MELTF: variants seen among roughly 807,000 people sequenced by gnomAD.
MELTF encodes the protein antigen p97 (melanoma associated) identified by monoclonal antibodies 133.2 and 96.5.
Under a neutral mutation model 83.7 loss-of-function variants are expected in MELTF, and 67 were observed. The observed-to-expected ratio is 0.80, with a 90% CI of 0.66 to 0.98. MELTF has a LOEUF of 0.98. Among genes scored for constraint, MELTF ranks in the 50% least tolerant of loss-of-function variants. The pLI is 0.00. For missense variants in MELTF, 1,002 were observed against 1,035.6 expected (o/e 0.97, Z 0.44); for synonymous variants, 462 against 447.6 (o/e 1.03, Z -0.41).
At chr3:197,026,979 A>C in intron 2 of MELTF, 9 of 541,534 alleles carry the variant, frequency 1.7e-5, no homozygotes, top group Admixed American at 3.1e-5. Context: ...AAAAATACTA[A>C]TCATTGATTT....
Position 197,009,759 on chromosome 3 carries a change from A to G in MELTF, c.1384T>C (p.Ser462Pro), listed in dbSNP as rs1439727579. 1 of 1,613,486 alleles carries G rather than the reference A, an allele frequency of 6.2e-7. No individual in the cohort carries two copies. The highest frequency in any genetic ancestry group is 1.1e-5 in the South Asian group (1 of 91,084). ...YVVAVVRRDS[S>P]HAFTLDELRG... ...AGCTCATCCAAGGTGAAGGCGTGGGAGCTGTCCCGTCTCACCACGGCCACC... is the reference window on the plus strand; with the variant it reads ...AGCTCATCCAAGGTGAAGGCGTGGGGGCTGTCCCGTCTCACCACGGCCACC... The change falls in exon 11 of 16, where the codon TCC becomes CCC. Residue 462 changes from serine to proline, a missense_variant. Physicochemically the swap from Ser to Pro is moderately conservative, Grantham distance 74. Coordinates refer to ENST00000296350, the MANE Select transcript of MELTF (RefSeq NM_005929.6).
Position 197,016,337 on chromosome 3 carries a change from C to T in MELTF, c.933G>A (p.Gln311=). ...RLFSHEGSSF[Q]MFSSEAYGQK... Reference sequence around the variant, plus strand: ...GGCCATAGGCCTCAGAGCTGAACATCTGGAAGCTGCTGCCCTCGTGGCTGA... The same window carrying T: ...GGCCATAGGCCTCAGAGCTGAACATTTGGAAGCTGCTGCCCTCGTGGCTGA... Residue 311 remains glutamine (Q), a synonymous_variant, in exon 8 of 16, where the codon CAG becomes CAA. Coordinates refer to ENST00000296350, the MANE Select transcript of MELTF (RefSeq NM_005929.6). The T allele has an allele frequency of 6.2e-7, 1 of 1,604,594 alleles. No homozygotes were observed. The highest frequency in any genetic ancestry group is 8.5e-7 in the Non-Finnish European group (1 of 1,175,374).
chr3:197,006,743 G>A lies in MELTF; in HGVS notation c.1751-7C>T. ...CAGGGCTCGGAATTGTGGCCTGAGG[G>A]GGGTAAAGCAGTGTGTGTGGGGACG... On this transcript the variant is annotated splice_polypyrimidine_tract_variant and splice_region_variant and intron_variant, in intron 13 of 15. Transcript: ENST00000296350. The surrounding 1 kb of genome is among the most constrained non-coding windows in gnomAD (Gnocchi z 5.4). 6.6e-7 allele frequency: 1 copy of A among 1,520,010 alleles called. No individual in the cohort carries two copies. The highest frequency in any genetic ancestry group is 8.8e-7 in the Non-Finnish European group (1 of 1,136,504). 94.2% of individuals were successfully genotyped at this position (1,520,010 alleles called of 1,614,324 possible).
intron 9 of MELTF, among the ~76,000 whole-genome samples, chr3:197,012,750 C>T (rs1392840803): frequency 6.6e-6 from 1 of 152,260 alleles, no homozygotes; most frequent in Non-Finnish European, 1.5e-5. Flanking sequence ...GAGAAGAGAA[C>T]CAGGAAAGAG....
In MELTF at chr3:197,022,926, C is replaced by T. The variant is rs562977094; in HGVS notation, c.644+31G>A. On this transcript the variant is annotated intron_variant, in intron 5 of 15. Coordinates refer to ENST00000296350, the MANE Select transcript of MELTF (RefSeq NM_005929.6). This position sits in a 1 kb window ranked among gnomAD's most constrained non-coding sequence, Gnocchi z 5.1. ...TTTGTGGCCTCAGCTCCTCCCTGCC[C>T]TCGGCCCCTCCCTGCCCCCACTCCG... 4.1e-5 allele frequency: 65 copies of T among 1,578,494 alleles called. No homozygotes were observed. In the East Asian group the frequency reaches 7.2e-4, roughly 18 times the overall value.
Position 197,003,977 on chromosome 3 carries a change from G to T in MELTF, c.2061C>A (p.Thr687=), listed in dbSNP as rs1718881736. The change falls in exon 15 of 16, where the codon ACC becomes ACA. Residue 687 remains threonine, a synonymous_variant. Coordinates refer to ENST00000296350, the MANE Select transcript of MELTF (RefSeq NM_005929.6). The surrounding 1 kb of genome is among the most constrained non-coding windows in gnomAD (Gnocchi z 6.2). ...TVRAVPVGEK[T]TYRGWLGLDY... is the part of the protein sequence containing the mutation. The stretch of plus-strand genomic sequence containing the variant: ...CCAGCCCCAGCCAGCCGCGGTAGGT[G>T]GTTTTCTCTCCGACAGGCACCGCCC... 6.2e-7 allele frequency: 1 copy of T among 1,614,060 alleles called. No individual in the cohort carries two copies. Among genetic ancestry groups the T allele is most frequent in the Non-Finnish European group, 8.5e-7 (1 of 1,180,042 alleles).
intron 11 of MELTF, 149 bp downstream of exon 11, chr3:197,009,469 C>T: frequency 1.4e-6 from 1 of 701,922 alleles, no homozygotes; most frequent in Non-Finnish European, 2.4e-6. Flanking sequence ...TATGGTGGGT[C>T]CTTCTGTCCC....
At chr3:197,019,846 A>AT (rs1560219964) in intron 6 of MELTF, 3 of 1,523,738 alleles carry the variant, frequency 2.0e-6, no homozygotes, top group Admixed American at 4.2e-5. Flanking sequence ...AATGACAATG[A>AT]TTTAAAAAAA....
In MELTF at chr3:197,022,642, G is replaced by A. The variant is rs900213026; in HGVS notation, c.644+315C>T. Among the ~76,000 whole-genome samples the A allele has an allele frequency of 1.3e-5, 2 of 152,128 alleles. No individual in the cohort carries two copies. The highest frequency in any genetic ancestry group is 6.5e-5 in the Admixed American group (1 of 15,278). ...TGTCCAGACACACTCCCCTGACCCC[G>A]CTCCCTGCTGGTCTGAGAATGGGGA... On this transcript the variant is annotated intron_variant, in intron 5 of 15. Transcript: ENST00000296350. This position sits in a 1 kb window ranked among gnomAD's most constrained non-coding sequence, Gnocchi z 5.1.
At position 197,008,931 on chromosome 3, in the gene MELTF, G is replaced by A. The variant is rs1162858140; in HGVS notation, c.1560C>T (p.Pro520=). The part of the protein sequence containing the change: ...VSEFFNASCV[P]VNNPKNYPSS... ...AGGGGTAGTTCTTGGGGTTGTTCAC[G>A]GGCACGCAGCTGGCATTGAAGAACT... The change falls in exon 12 of 16, where the codon CCC becomes CCT. Residue 520 remains proline (P), a synonymous_variant. Transcript: ENST00000296350. The surrounding 1 kb of genome is among the most constrained non-coding windows in gnomAD (Gnocchi z 5.4). The A allele has an allele frequency of 2.5e-6, 4 of 1,614,040 alleles. No homozygotes were observed. Among genetic ancestry groups the A allele is most frequent in the African/African-American group, 1.3e-5 (1 of 75,040 alleles).
At position 197,019,751 on chromosome 3, in the gene MELTF, C is replaced by T. The variant is rs1261043166; in HGVS notation, c.712+1653G>A. On this transcript the variant is annotated intron_variant, in intron 6 of 15. Coordinates refer to ENST00000296350, the MANE Select transcript of MELTF (RefSeq NM_005929.6). ...CGTGCTTCCTCGTGTGCAGGGCACT[C>T]GCCTTCTTCCTCCTCAGATCTGGTC... 12 of 1,605,824 alleles carry T rather than the reference C, an allele frequency of 7.5e-6. 1 individual carries two copies. The highest frequency in any genetic ancestry group is 6.7e-5 in the East Asian group (3 of 44,626).
intron 14 of MELTF, among the ~76,000 whole-genome samples, chr3:197,005,408 A>C (rs1490341489): frequency 6.6e-6 from 1 of 152,236 alleles, no homozygotes; most frequent in African/African-American, 2.4e-5. Context: ...TAAATATGCA[A>C]GTTTGGGACT....
chr3:197,019,761 C>A, intron 6 of MELTF: 1 of 1,596,974 alleles, frequency 6.3e-7, no homozygotes, highest in African/African-American at 1.3e-5. Flanking sequence ...CGCCTTCTTC[C>A]TCCTCAGATC....
chr3:197,019,047 A>C, intron 6 of MELTF: 1 of 985,474 alleles, frequency 1.0e-6, no homozygotes, highest in Non-Finnish European at 1.2e-6. Flanking sequence ...ATGGTCATGA[A>C]AGCTTTCACT....
chr3:197,012,114 TC>T (rs1719207102), intron 9 of MELTF, among the ~76,000 whole-genome samples: 2 of 152,188 alleles, frequency 1.3e-5, no homozygotes, highest in Admixed American at 6.5e-5. Flanking sequence ...CAGGCTTCTA[TC>T]GGGCCTGCGG....
chr3:197,026,120 G>A (rs748246485), intron 3 of MELTF: 11 of 155,240 alleles, frequency 7.1e-5, no homozygotes, highest in Non-Finnish European at 1.4e-4. Context: ...GTGGGCACAC[G>A]GCCTGGCTCA....
At chr3:197,025,092 C>T (rs1719799566) in intron 3 of MELTF, among the ~76,000 whole-genome samples, 1 of 152,246 alleles carries the variant, frequency 6.6e-6, no homozygotes, top group Non-Finnish European at 1.5e-5. Flanking sequence ...GGCTCTGCAG[C>T]CTTGCAAAGC....
chr3:197,029,768 C>A lies in MELTF; in HGVS notation c.-66G>T. ...CCGGGTCCGAGGAGGTCCGCAGCAG[C>A]CGGGCTTCCTCCCTGCTCCCCCTCG... On this transcript the variant is annotated 5_prime_UTR_variant, in exon 1 of 16. Coordinates refer to ENST00000296350, the MANE Select transcript of MELTF (RefSeq NM_005929.6). The surrounding 1 kb of genome is among the most constrained non-coding windows in gnomAD (Gnocchi z 6.5). 2 of 1,092,416 alleles carry A rather than the reference C, an allele frequency of 1.8e-6. No homozygotes were observed. The highest frequency in any genetic ancestry group is 2.3e-6 in the Non-Finnish European group (2 of 861,260). 67.7% of individuals were successfully genotyped at this position (1,092,416 alleles called of 1,614,324 possible).
Position 197,009,703 on chromosome 3 carries a change from G to C in MELTF, c.1440C>G (p.Phe480Leu). ...LRGKRSCHAG[F>L]GSPAGWDVPV... ...GGACATCCCAGCCTGCAGGGCTGCC[G>C]AAACCGGCGTGGCAGGAGCGCTTGC... Residue 480 changes from phenylalanine to leucine, a missense_variant, in exon 11 of 16, where the codon TTC becomes TTG. Physicochemically the swap from Phe to Leu is conservative, Grantham distance 22. Transcript: ENST00000296350. The C allele has an allele frequency of 6.2e-7, 1 of 1,613,788 alleles. No homozygotes were observed.
Sources: allele counts gnomAD v4.1 joint callset (sites outside exome capture counted in the v4.1 genomes callset), GRCh38; gene constraint gnomAD v4.1.1; non-coding constraint Gnocchi (gnomAD v3.1); transcripts MANE v1.5; gene names NCBI Gene and HGNC (gene_info 2026-07-23, HGNC 2026-07-21).